PRMT3: variants seen among roughly 807,000 people sequenced by gnomAD.
The protein encoded by PRMT3 is protein arginine methyltransferase 3, also known as protein arginine N-methyltransferase 3.
Under a neutral mutation model 71.9 loss-of-function variants are expected in PRMT3, and 62 were observed. The observed-to-expected ratio is 0.86, with a 90% CI of 0.70 to 1.07. The LOEUF (loss-of-function observed/expected upper bound fraction) is 1.07. PRMT3 is among the 50% of genes least tolerant of loss of function. The probability of loss-of-function intolerance (pLI) is 0.00; values close to 1 mark genes in which losing one functional copy is unlikely to be tolerated. For synonymous variants in PRMT3, 213 were observed against 220.4 expected, an observed-to-expected ratio of 0.97 and a Z score of 0.30; for missense variants, 663 against 643.0, an observed-to-expected ratio of 1.03 and a Z score of -0.34.
chr11:20,424,946 A>G (rs764428501), intron 9 of PRMT3, among the ~76,000 whole-genome samples: 2 of 152,114 alleles, frequency 1.3e-5, no homozygotes, highest in Non-Finnish European at 2.9e-5. Flanking sequence ...TCTACAAAGA[A>G]CACAAATATT....
intron 9 of PRMT3, among the ~76,000 whole-genome samples, chr11:20,413,099 C>CT (rs1453564808): frequency 1.3e-5 from 2 of 152,136 alleles, no homozygotes; most frequent in Non-Finnish European, 2.9e-5. Flanking sequence ...AAAAGCAGGC[C>CT]TTTTTGTTTT....
chr11:20,490,873 A>G (rs746132699), intron 13 of PRMT3, among the ~76,000 whole-genome samples: 2 of 152,174 alleles, frequency 1.3e-5, no homozygotes, highest in African/African-American at 2.4e-5. Context: ...GAGGAAGTCT[A>G]TTGGCAATGA....
At position 20,387,740 on chromosome 11, in the gene PRMT3, C is replaced by A; in HGVS notation, c.-7C>A. ...CAGACACGCCGGGCTCTCGGGGCAC[C>A]ACAGCCATGTGCTCGTTAGCGTCAG... On this transcript the variant is annotated 5_prime_UTR_variant, in exon 1 of 16. Coordinates refer to ENST00000331079, the MANE Select transcript of PRMT3 (RefSeq NM_005788.4). The surrounding 1 kb of genome is among the most constrained non-coding windows in gnomAD (Gnocchi z 4.3). The A allele has an allele frequency of 6.5e-7, 1 of 1,539,220 alleles. No individual in the cohort carries two copies.
chr11:20,450,392 G>A (rs138954170), intron 10 of PRMT3, among the ~76,000 whole-genome samples: 86 of 152,212 alleles, frequency 5.7e-4, no homozygotes, highest in Middle Eastern at 3.4e-3. Flanking sequence ...AAGCATTTGT[G>A]TGTGAAATCT....
At chr11:20,390,975 G>A (rs377658452) in intron 3 of PRMT3, among the ~76,000 whole-genome samples, 2 of 151,870 alleles carry the variant, frequency 1.3e-5, no homozygotes, top group African/African-American at 2.4e-5. Context: ...ACTTGAACCC[G>A]GGAGGCGGAG....
At chr11:20,392,288 C>G in intron 4 of PRMT3, 28 bp downstream of exon 4, 1 of 1,537,600 alleles carries the variant, frequency 6.5e-7, no homozygotes, top group African/African-American at 1.4e-5. Context: ...TTTATAATTT[C>G]GTTTAGAAAT....
At chr11:20,473,845 T>C (rs1298780983) in intron 13 of PRMT3, among the ~76,000 whole-genome samples, 1 of 151,966 alleles carries the variant, frequency 6.6e-6, no homozygotes, top group Non-Finnish European at 1.5e-5. Flanking sequence ...GCTTTTTGAG[T>C]TTTTAGCATT....
chr11:20,504,364 T>C (rs1036008225), intron 15 of PRMT3, among the ~76,000 whole-genome samples: 1 of 152,200 alleles, frequency 6.6e-6, no homozygotes, highest in African/African-American at 2.4e-5. Context: ...ATGTCTGTCC[T>C]TGTGCCTTTA....
At chr11:20,398,894 A>G (rs1027095330) in intron 7 of PRMT3, among the ~76,000 whole-genome samples, 1 of 152,222 alleles carries the variant, frequency 6.6e-6, no homozygotes, top group African/African-American at 2.4e-5. Context: ...TATCCCTAGC[A>G]TTAAGCAACA....
At chr11:20,433,090 T>G (rs1849688386) in intron 10 of PRMT3, among the ~76,000 whole-genome samples, 1 of 152,130 alleles carries the variant, frequency 6.6e-6, no homozygotes, top group Non-Finnish European at 1.5e-5. Context: ...CATATACAGG[T>G]TTGTTATTTA....
intron 5 of PRMT3, among the ~76,000 whole-genome samples, chr11:20,395,227 TATAATTA>T (rs1476550305): frequency 2.6e-4 from 40 of 152,240 alleles, no homozygotes; most frequent in African/African-American, 8.9e-4. Context: ...TTTGGTTGAG[TATAATTA>T]ATAATTAATA....
In PRMT3 at chr11:20,452,204, C is replaced by T. The variant is rs951431524; in HGVS notation, c.1068C>T (p.Gly356=). Residue 356 remains glycine, a synonymous_variant, in exon 11 of 16, where the codon GGC becomes GGT. Transcript: ENST00000331079. The part of the protein sequence containing the change: ...YAKNKYLAKG[G]SVYPDICTIS... ...AGAACAAATACTTGGCAAAAGGAGGCTCGGGTGAGTATAAAATTCTGGTTT... is the reference window on the plus strand; with the variant it reads ...AGAACAAATACTTGGCAAAAGGAGGTTCGGGTGAGTATAAAATTCTGGTTT... 8.1e-6 allele frequency: 13 copies of T among 1,598,520 alleles called. No individual in the cohort carries two copies. Among genetic ancestry groups the T allele is most frequent in the Admixed American group, 1.7e-5 (1 of 59,918 alleles).
At chr11:20,486,391 A>G (rs947172937) in intron 13 of PRMT3, among the ~76,000 whole-genome samples, 1 of 152,190 alleles carries the variant, frequency 6.6e-6, no homozygotes, top group African/African-American at 2.4e-5. Flanking sequence ...AAACCAAAGA[A>G]AAATCTCAAA....
chr11:20,478,755 C>T, intron 13 of PRMT3, among the ~76,000 whole-genome samples: 1 of 152,070 alleles, frequency 6.6e-6, no homozygotes, highest in East Asian at 1.9e-4. Flanking sequence ...TTAAATTTTT[C>T]TAATGGCTTA....
intron 10 of PRMT3, among the ~76,000 whole-genome samples, chr11:20,440,202 A>G (rs1381584776): frequency 1.3e-5 from 2 of 152,200 alleles, no homozygotes; most frequent in Admixed American, 6.5e-5. Flanking sequence ...CAAAATACTA[A>G]TGTTAAGAGA....
At chr11:20,422,329 G>A (rs11025559) in intron 9 of PRMT3, among the ~76,000 whole-genome samples, 33,756 of 151,806 alleles carry the variant, frequency 0.22, 3,938 homozygotes, top group South Asian at 0.3. Flanking sequence ...AGTAGTCCCC[G>A]AAACTTGTCC....
chr11:20,404,235 T>C (rs1306763470), intron 8 of PRMT3, among the ~76,000 whole-genome samples: 1 of 114,962 alleles, frequency 8.7e-6, no homozygotes, highest in Non-Finnish European at 1.8e-5. Context: ...TTTTTTTTTT[T>C]TTTTTTTTTT....
rs570442312 is a variant in PRMT3 at position 20,463,897 on chromosome 11, C to T, written c.1261-563C>T. On this transcript the variant is annotated intron_variant, in intron 12 of 15. Transcript: ENST00000331079. ...ATATTTCGCTATTTTTTCTCTGGAT[C>T]GAAATCTCCATAGTTTTGCTGTTTT... Among the ~76,000 whole-genome samples, 19 of 27,574 alleles carry T rather than the reference C, an allele frequency of 6.9e-4. No homozygotes were observed. The East Asian group carries it at 7.0e-3, about 10-fold the overall frequency. The allele number at this position is 27,574 out of a possible 152,430, so 18.1% of individuals were successfully genotyped here.
At chr11:20,485,945 A>G (rs984965107) in intron 13 of PRMT3, among the ~76,000 whole-genome samples, 1 of 152,234 alleles carries the variant, frequency 6.6e-6, no homozygotes, top group African/African-American at 2.4e-5. Context: ...TAGCTAAGAA[A>G]TGGAAGTAAT....
Sources: gnomAD v4.1 joint callset for allele counts (sites outside exome capture counted in the v4.1 genomes callset) on GRCh38, gnomAD v4.1.1 for gene constraint, Gnocchi (gnomAD v3.1) non-coding constraint, MANE v1.5 for transcripts, NCBI Gene and HGNC (gene_info 2026-07-23, HGNC 2026-07-21) for gene names.